The following CLEC16A variants were observed in gnomAD, a reference collection of about 807,000 sequenced individuals.
CLEC16A encodes the protein protein CLEC16A.
A neutral mutation model predicts 109.5 loss-of-function variants in CLEC16A; 51 were observed. The observed-to-expected ratio is 0.47, with a 90% confidence interval of 0.37 to 0.59. The LOEUF (loss-of-function observed/expected upper bound fraction) is 0.59. CLEC16A is among the 20% of genes least tolerant of loss of function. The probability of loss-of-function intolerance (pLI) is 0.00; values close to 1 mark genes in which losing one functional copy is unlikely to be tolerated. For synonymous variants in CLEC16A, 673 were observed against 564.2 expected (o/e 1.19, Z -2.73); for missense variants, 1,339 against 1,394.0 (o/e 0.96, Z 0.63).
At chr16:10,970,450 T>C (rs1469396125) in intron 4 of CLEC16A, among the ~76,000 whole-genome samples, 2 of 152,256 alleles carry the variant, frequency 1.3e-5, no homozygotes, top group East Asian at 3.8e-4. Flanking sequence ...GTAGATGTTA[T>C]TATCCCCATG....
At position 10,957,898 on chromosome 16, in the gene CLEC16A, G is replaced by A. The variant is rs1337235534; in HGVS notation, c.197G>A (p.Ser66Asn). ...CTGATCTGGGGAGATCAAAATGACA[G>A]CTCTGTATTTGAGTAAGGGTTTCTA... ...EILIWGDQND[S>N]SVFDFFLEKN... The change falls in exon 2 of 24, where the codon AGC becomes AAC. Residue 66 changes from serine to asparagine, a missense_variant. Ser to Asn is a conservative substitution (Grantham distance 46, BLOSUM62 1). Around this residue, in one of 3 missense-constraint regions of CLEC16A, gnomAD observed 117 missense variants for 120.2 expected, o/e 0.97. Coordinates refer to ENST00000409790, the MANE Select transcript of CLEC16A (RefSeq NM_015226.3). 4 of 1,613,754 alleles carry A rather than the reference G, an allele frequency of 2.5e-6. No homozygotes were observed. The highest frequency in any genetic ancestry group is 3.4e-6 in the Non-Finnish European group (4 of 1,179,740).
At chr16:11,070,264 G>A (rs1567275335) in intron 19 of CLEC16A, among the ~76,000 whole-genome samples, 1 of 152,096 alleles carries the variant, frequency 6.6e-6, no homozygotes, top group Non-Finnish European at 1.5e-5. Flanking sequence ...GTAGAGACAG[G>A]GTTTCACTGT....
At chr16:11,038,412 T>C (rs749184173) in intron 13 of CLEC16A, among the ~76,000 whole-genome samples, 11 of 152,118 alleles carry the variant, frequency 7.2e-5, no homozygotes, top group Non-Finnish European at 1.2e-4. Flanking sequence ...AAGCAAAATA[T>C]TTGTTTCTGT....
intron 23 of CLEC16A, among the ~76,000 whole-genome samples, chr16:11,171,851 C>T (rs2068524958): frequency 6.6e-6 from 1 of 151,838 alleles, no homozygotes; most frequent in African/African-American, 2.4e-5. Flanking sequence ...CACTCCCACA[C>T]AGTCACACAC....
chr16:11,133,353 A>AGT (rs1555498410), intron 22 of CLEC16A, among the ~76,000 whole-genome samples: 3 of 149,210 alleles, frequency 2.0e-5, no homozygotes, highest in African/African-American at 7.4e-5. Context: ...AAAAAAAAAA[A>AGT]TTTTTTTTTT....
intron 19 of CLEC16A, among the ~76,000 whole-genome samples, chr16:11,105,803 C>T (rs542335469): frequency 4.9e-4 from 74 of 152,302 alleles, no homozygotes; most frequent in East Asian, 9.6e-4. Context: ...CTTCACACAG[C>T]CACTGCTCAG....
intron 19 of CLEC16A, among the ~76,000 whole-genome samples, chr16:11,071,601 T>C (rs905138901): frequency 3.0e-5 from 4 of 132,332 alleles, no homozygotes; most frequent in Non-Finnish European, 6.4e-5. Context: ...ATTACGTTTC[T>C]TTTTTTTTTT....
chr16:11,098,599 T>G (rs1597377614), intron 19 of CLEC16A, among the ~76,000 whole-genome samples: 1 of 152,346 alleles, frequency 6.6e-6, no homozygotes, highest in East Asian at 1.9e-4. Context: ...TCCAGGGCCC[T>G]GCACCCTGAG....
intron 3 of CLEC16A, among the ~76,000 whole-genome samples, chr16:10,965,007 G>T (rs889952483): frequency 4.6e-5 from 7 of 152,170 alleles, no homozygotes; most frequent in African/African-American, 1.4e-4. Context: ...CTTACTCATC[G>T]TGCGTCGTAC....
intron 22 of CLEC16A, among the ~76,000 whole-genome samples, chr16:11,135,748 G>A (rs1057330557): frequency 6.6e-6 from 1 of 152,252 alleles, no homozygotes; most frequent in Non-Finnish European, 1.5e-5. Flanking sequence ...AGAATGTTCT[G>A]TAGGCTCGGG....
intron 22 of CLEC16A, among the ~76,000 whole-genome samples, chr16:11,150,801 G>C (rs7206912): frequency 0.59 from 89,653 of 151,934 alleles, 26,755 homozygotes; most frequent in South Asian, 0.72. Flanking sequence ...GGTTTCCTCT[G>C]AGGGGTGTGA....
At chr16:10,957,966 A>G (rs1303938417) in intron 2 of CLEC16A, 56 bp downstream of exon 2, 3 of 1,556,186 alleles carry the variant, frequency 1.9e-6, no homozygotes, top group African/African-American at 2.7e-5. Context: ...ATGTTTTTCT[A>G]AATGTATACT....
intron 22 of CLEC16A, among the ~76,000 whole-genome samples, chr16:11,155,494 A>G (rs1367877873): frequency 6.6e-6 from 1 of 152,230 alleles, no homozygotes; most frequent in Non-Finnish European, 1.5e-5. Flanking sequence ...CCGGTTAGCC[A>G]TGTCCCACAG....
At chr16:11,106,622 C>T (rs2051238293) in intron 19 of CLEC16A, among the ~76,000 whole-genome samples, 1 of 151,776 alleles carries the variant, frequency 6.6e-6, no homozygotes, top group African/African-American at 2.4e-5. Flanking sequence ...AGTTGTGGGA[C>T]TATAGTTGCA....
At chr16:10,999,280 C>A (rs530068280) in intron 10 of CLEC16A, among the ~76,000 whole-genome samples, 154 of 152,242 alleles carry the variant, frequency 1.0e-3, no homozygotes, top group African/African-American at 3.5e-3. Context: ...TTAGAAATCT[C>A]AAACCAAAAG....
At chr16:10,968,518 A>G (rs992784884) in intron 3 of CLEC16A, among the ~76,000 whole-genome samples, 3 of 152,152 alleles carry the variant, frequency 2.0e-5, no homozygotes, top group Non-Finnish European at 2.9e-5. Context: ...ACAAACTCTG[A>G]CATCAGACCT....
intron 15 of CLEC16A, among the ~76,000 whole-genome samples, chr16:11,043,372 C>T (rs1035006330): frequency 9.2e-5 from 14 of 152,114 alleles, no homozygotes; most frequent in Admixed American, 5.2e-4. Context: ...ATTGTACCAC[C>T]GCACTCCAGC....
intron 13 of CLEC16A, among the ~76,000 whole-genome samples, chr16:11,028,959 C>G (rs2046583336): frequency 6.6e-6 from 1 of 152,128 alleles, no homozygotes; most frequent in Non-Finnish European, 1.5e-5. Flanking sequence ...AGCTGTGTTT[C>G]TCTTATTGAT....
At chr16:11,036,471 C>G (rs1171933724) in intron 13 of CLEC16A, among the ~76,000 whole-genome samples, 1 of 152,064 alleles carries the variant, frequency 6.6e-6, no homozygotes, top group Non-Finnish European at 1.5e-5. Context: ...CTCAGCATGC[C>G]TCTTTTGGGC....
Sources: allele counts gnomAD v4.1 joint callset (sites outside exome capture counted in the v4.1 genomes callset), GRCh38; gene constraint gnomAD v4.1.1; regional missense constraint gnomAD v4.1.1; transcripts MANE v1.5; gene names NCBI Gene and HGNC (gene_info 2026-07-23, HGNC 2026-07-21).